The following NCOA3 variants were observed in gnomAD, a reference collection of about 807,000 sequenced individuals.
NCOA3 encodes the protein CBP-interacting protein.
NCOA3 carries 51 observed loss-of-function variants against 158.8 expected under a neutral mutation model. That is an observed-to-expected ratio of 0.32 (90% CI 0.26 to 0.41). The LOEUF (loss-of-function observed/expected upper bound fraction) is 0.41, where lower values mean the gene tolerates loss of function less well. NCOA3 is among the 10% of genes least tolerant of loss of function. The pLI, the probability that NCOA3 is intolerant of heterozygous loss-of-function variation, is 1.00. For synonymous variants in NCOA3, 537 were observed against 592.4 expected, an observed-to-expected ratio of 0.91 and a Z score of 1.36; for missense variants, 1,510 against 1,746.6, an observed-to-expected ratio of 0.86 and a Z score of 2.41.
intron 1 of NCOA3, among the ~76,000 whole-genome samples, chr20:47,516,968 A>G (rs1319709637): frequency 6.6e-6 from 1 of 152,008 alleles, no homozygotes; most frequent in Non-Finnish European, 1.5e-5. Context: ...CACATCTATA[A>G]TCCCAGCACT....
intron 2 of NCOA3, among the ~76,000 whole-genome samples, chr20:47,611,978 C>A (rs1299640730): frequency 6.6e-6 from 1 of 152,126 alleles, no homozygotes; most frequent in Non-Finnish European, 1.5e-5. Flanking sequence ...GTGTGCGTCA[C>A]CACGCTTGGC....
intron 1 of NCOA3, among the ~76,000 whole-genome samples, chr20:47,579,212 C>T (rs1023375422): frequency 3.3e-5 from 5 of 152,246 alleles, no homozygotes; most frequent in African/African-American, 1.2e-4. Context: ...CTCAAGCAAT[C>T]TTCCTGCCTC....
intron 6 of NCOA3, 96 bp downstream of exon 6, chr20:47,627,272 A>C (rs1366023141): frequency 1.9e-6 from 2 of 1,032,800 alleles, no homozygotes; most frequent in Non-Finnish European, 2.8e-6. Flanking sequence ...TCAAGCGATC[A>C]AATGAGGGTA....
intron 2 of NCOA3, among the ~76,000 whole-genome samples, chr20:47,599,203 A>C (rs979221169): frequency 9.9e-5 from 15 of 152,206 alleles, no homozygotes; most frequent in African/African-American, 3.6e-4. Context: ...TATGTGCTAC[A>C]ATGTTGATGT....
In NCOA3 at chr20:47,522,178, C is replaced by T. The variant is rs1313606699; in HGVS notation, c.-99+20159C>T. Among the ~76,000 whole-genome samples the T allele has an allele frequency of 2.2e-5, 3 of 138,670 alleles. No homozygotes were observed. The East Asian group carries it at 6.6e-4, about 31-fold the overall frequency. The allele number at this position is 138,670 out of a possible 152,430, so 91.0% of individuals were successfully genotyped here. On this transcript the variant is annotated intron_variant, in intron 1 of 22. Coordinates refer to ENST00000371998, the MANE Select transcript of NCOA3 (RefSeq NM_181659.3). ...AGTGCAGTGGAGCGATCTCGGTTCACTGCAAGCTCCGCCTCACTGGTTCAC... is the reference window on the plus strand; with the variant it reads ...AGTGCAGTGGAGCGATCTCGGTTCATTGCAAGCTCCGCCTCACTGGTTCAC...
chr20:47,523,184 TCAAAA>T (rs1208554073), intron 1 of NCOA3, among the ~76,000 whole-genome samples: 1 of 152,148 alleles, frequency 6.6e-6, no homozygotes. Flanking sequence ...AGCCTCCGTC[TCAAAA>T]CAAAACAAAA....
intron 18 of NCOA3, among the ~76,000 whole-genome samples, chr20:47,647,909 G>T (rs201140897): frequency 3.7e-4 from 47 of 128,034 alleles, no homozygotes; most frequent in Middle Eastern, 4.1e-3. Flanking sequence ...TTGTTTGTTT[G>T]TTTTGTTTTG....
chr20:47,620,784 A>G (rs1047188027), intron 2 of NCOA3, among the ~76,000 whole-genome samples: 3 of 152,142 alleles, frequency 2.0e-5, no homozygotes, highest in Non-Finnish European at 4.4e-5. Context: ...TCCATATTCT[A>G]ATTTTGTCAG....
chr20:47,640,707 CT>C (rs1408769143), intron 16 of NCOA3, among the ~76,000 whole-genome samples: 2 of 149,192 alleles, frequency 1.3e-5, no homozygotes, highest in African/African-American at 2.5e-5. Flanking sequence ...GGTGAAACCC[CT>C]GTCTCTACTA....
chr20:47,592,197 A>G (rs772355892), intron 2 of NCOA3, among the ~76,000 whole-genome samples: 10 of 152,090 alleles, frequency 6.6e-5, no homozygotes, highest in African/African-American at 9.7e-5. Flanking sequence ...GCTTGCCACC[A>G]CACCTGGCTA....
At chr20:47,634,230 T>G (rs199881993) in intron 10 of NCOA3, 35 bp downstream of exon 10, 3 of 1,575,978 alleles carry the variant, frequency 1.9e-6, no homozygotes, top group Non-Finnish European at 2.6e-6. Flanking sequence ...TAATACAAAA[T>G]GCAGCAGTGT....
intron 2 of NCOA3, among the ~76,000 whole-genome samples, chr20:47,593,078 C>T (rs780420042): frequency 3.7e-4 from 56 of 152,074 alleles, no homozygotes; most frequent in Non-Finnish European, 6.8e-4. Context: ...GGGTTACAGG[C>T]ATCCGCCACC....
intron 18 of NCOA3, among the ~76,000 whole-genome samples, chr20:47,648,546 C>CA (rs1394787055): frequency 6.6e-6 from 1 of 151,968 alleles, no homozygotes; most frequent in Non-Finnish European, 1.5e-5. Flanking sequence ...AGTCACAGCC[C>CA]ACTGCAGCCT....
intron 1 of NCOA3, among the ~76,000 whole-genome samples, chr20:47,518,713 C>T: frequency 6.6e-6 from 1 of 151,880 alleles, no homozygotes; most frequent in Non-Finnish European, 1.5e-5. Context: ...GGGTGAGCCA[C>T]CATGCCTGGC....
chr20:47,608,875 T>C (rs1344369156), intron 2 of NCOA3, among the ~76,000 whole-genome samples: 1 of 152,194 alleles, frequency 6.6e-6, no homozygotes, highest in Non-Finnish European at 1.5e-5. Flanking sequence ...CAGTTCCTGC[T>C]ACAGCTGCCT....
intron 2 of NCOA3, among the ~76,000 whole-genome samples, chr20:47,593,812 T>C (rs1181726253): frequency 1.3e-5 from 2 of 152,220 alleles, no homozygotes; most frequent in African/African-American, 2.4e-5. Flanking sequence ...TCTAAAGTTC[T>C]GTTAGAACCT....
chr20:47,517,059 A>G (rs1206126561), intron 1 of NCOA3, among the ~76,000 whole-genome samples: 1 of 152,166 alleles, frequency 6.6e-6, no homozygotes, highest in Non-Finnish European at 1.5e-5. Flanking sequence ...CTCTACTAAA[A>G]ATACAAAAAT....
intron 1 of NCOA3, among the ~76,000 whole-genome samples, chr20:47,531,222 C>T (rs150268499): frequency 6.6e-6 from 1 of 152,178 alleles, no homozygotes; most frequent in African/African-American, 2.4e-5. Context: ...ACTTGTAATC[C>T]CAGCTACTCG....
intron 8 of NCOA3, among the ~76,000 whole-genome samples, 177 bp downstream of exon 8, chr20:47,628,200 A>G (rs1448417125): frequency 6.6e-6 from 1 of 152,068 alleles, no homozygotes; most frequent in South Asian, 2.1e-4. Context: ...AAAGAATTTC[A>G]CTAAAATTCT....
Sources: allele counts gnomAD v4.1 joint callset (sites outside exome capture counted in the v4.1 genomes callset), GRCh38; gene constraint gnomAD v4.1.1; transcripts MANE v1.5; gene names NCBI Gene and HGNC (gene_info 2026-07-23, HGNC 2026-07-21).